FCHO2: variants seen among roughly 807,000 people sequenced by gnomAD.
FCHO2 encodes FCH and mu domain containing endocytic adaptor 2, also known as F-BAR domain only protein 2.
In FCHO2, 43 loss-of-function variants were observed where a neutral mutation model predicts 114.1. The ratio of observed to expected loss-of-function variants is 0.38; its 90% CI spans 0.30 to 0.49. FCHO2 has a LOEUF of 0.49. Ranked by LOEUF, FCHO2 falls within the 20% of genes least tolerant of loss-of-function variation. The pLI, the probability that FCHO2 is intolerant of heterozygous loss-of-function variation, is 0.97. For missense variants in FCHO2, 807 were observed against 950.4 expected, an observed-to-expected ratio of 0.85 and a Z score of 1.98; for synonymous variants, 293 against 315.2, an observed-to-expected ratio of 0.93 and a Z score of 0.75.
At chr5:73,002,038 ACTT>A (rs1754472771) in intron 5 of FCHO2, among the ~76,000 whole-genome samples, 1 of 152,152 alleles carries the variant, frequency 6.6e-6, no homozygotes, top group Non-Finnish European at 1.5e-5. Flanking sequence ...GCTTCATAAA[ACTT>A]CTTTGTTTAA....
intron 1 of FCHO2, among the ~76,000 whole-genome samples, chr5:72,966,820 A>T (rs544716225): frequency 3.9e-5 from 6 of 152,272 alleles, no homozygotes; most frequent in Non-Finnish European, 8.8e-5. Flanking sequence ...AGAAGAATAA[A>T]AACTGCTGCC....
chr5:73,042,644 C>T (rs778389866), intron 11 of FCHO2, among the ~76,000 whole-genome samples: 5 of 152,006 alleles, frequency 3.3e-5, no homozygotes, highest in Middle Eastern at 3.4e-3. Context: ...AGAAAAAATA[C>T]GTTATAAAAG....
At chr5:73,061,078 C>G (rs30535) in intron 17 of FCHO2, among the ~76,000 whole-genome samples, 1 of 151,640 alleles carries the variant, frequency 6.6e-6, no homozygotes, top group Non-Finnish European at 1.5e-5. Flanking sequence ...TAACTCGAAC[C>G]CTGATGTAGT....
chr5:73,004,547 A>C (rs896630935), intron 5 of FCHO2, among the ~76,000 whole-genome samples: 3 of 152,156 alleles, frequency 2.0e-5, no homozygotes, highest in African/African-American at 7.2e-5. Flanking sequence ...ACCATAATAA[A>C]AGCAGGCACT....
At chr5:73,060,196 G>A (rs1262159627) in intron 17 of FCHO2, among the ~76,000 whole-genome samples, 5 of 151,986 alleles carry the variant, frequency 3.3e-5, no homozygotes, top group Non-Finnish European at 5.9e-5. Context: ...GGTCATTGAT[G>A]TTTGGCCATT....
In FCHO2 at chr5:73,089,932, T is replaced by A. The variant is rs1743432463; in HGVS notation, c.*1842T>A. On this transcript the variant is annotated 3_prime_UTR_variant, in exon 26 of 26. Coordinates refer to ENST00000430046, the MANE Select transcript of FCHO2 (RefSeq NM_138782.3). Reference sequence around the variant, plus strand: ...ACTAAATAGTGAGCTAAATTAGAATTTCTAACTCTTATATTGTGCTCTTTT... The same window carrying A: ...ACTAAATAGTGAGCTAAATTAGAATATCTAACTCTTATATTGTGCTCTTTT... The A allele has an allele frequency of 6.6e-6, 1 of 152,584 alleles. No individual in the cohort carries two copies. The highest frequency in any genetic ancestry group is 2.4e-5 in the African/African-American group (1 of 41,454). 9.5% of individuals were successfully genotyped at this position (152,584 alleles called of 1,614,324 possible). A position where few individuals can be genotyped will look rare whatever the true frequency, so the allele number is the denominator to read the frequency against.
At chr5:73,039,281 C>A (rs1427005282) in intron 10 of FCHO2, among the ~76,000 whole-genome samples, 2 of 152,148 alleles carry the variant, frequency 1.3e-5, no homozygotes, top group African/African-American at 4.8e-5. Context: ...GCTTCCTCTT[C>A]CTGGAGCTTC....
chr5:73,069,119 A>C (rs983498614), intron 19 of FCHO2, among the ~76,000 whole-genome samples: 1 of 152,160 alleles, frequency 6.6e-6, no homozygotes, highest in Admixed American at 6.5e-5. Flanking sequence ...TTTTAAAAAC[A>C]ATAGTGTTTT....
chr5:72,970,242 C>A (rs906627254), intron 2 of FCHO2, among the ~76,000 whole-genome samples: 1 of 152,170 alleles, frequency 6.6e-6, no homozygotes, highest in African/African-American at 2.4e-5. Flanking sequence ...AGGCTCTATG[C>A]TAGGCATGGG....
intron 8 of FCHO2, among the ~76,000 whole-genome samples, chr5:73,032,910 T>C (rs557365255): frequency 6.6e-6 from 1 of 152,310 alleles, no homozygotes; most frequent in South Asian, 2.1e-4. Context: ...AAGCCAATAA[T>C]ATATAATAAG....
chr5:72,974,336 C>CT (rs2112621240), intron 2 of FCHO2, among the ~76,000 whole-genome samples: 1 of 140,758 alleles, frequency 7.1e-6, no homozygotes, highest in East Asian at 2.3e-4. Context: ...GTGTGGGAGT[C>CT]TAAGTCTCTT....
chr5:72,968,053 T>G (rs188475902), intron 1 of FCHO2, among the ~76,000 whole-genome samples: 3,349 of 151,864 alleles, frequency 0.022, 63 homozygotes, highest in Non-Finnish European at 0.039. Context: ...GCCTCCCAAG[T>G]AGCTGGGACT....
intron 6 of FCHO2, among the ~76,000 whole-genome samples, chr5:73,011,938 G>T (rs75599919): frequency 0.077 from 11,720 of 151,794 alleles, 717 homozygotes; most frequent in East Asian, 0.35. Flanking sequence ...ATCGCCTATG[G>T]TAACAAAGCC....
intron 6 of FCHO2, among the ~76,000 whole-genome samples, chr5:73,008,060 T>C (rs911383097): frequency 6.6e-6 from 1 of 152,098 alleles, no homozygotes; most frequent in Non-Finnish European, 1.5e-5. Flanking sequence ...GGGAAAATGG[T>C]AGTGAGAAAT....
intron 2 of FCHO2, among the ~76,000 whole-genome samples, chr5:72,982,530 C>T (rs1288291282): frequency 2.0e-5 from 3 of 152,182 alleles, no homozygotes; most frequent in Non-Finnish European, 4.4e-5. Context: ...GAAAGTCCAA[C>T]ATATCCATTA....
intron 2 of FCHO2, among the ~76,000 whole-genome samples, chr5:72,970,037 G>A (rs966690444): frequency 1.3e-5 from 2 of 152,126 alleles, no homozygotes; most frequent in Admixed American, 6.6e-5. Flanking sequence ...GCAGTAGCTC[G>A]TAACTGCTCT....
intron 8 of FCHO2, chr5:73,020,838 A>T: frequency 1.1e-6 from 1 of 925,906 alleles, no homozygotes; most frequent in Non-Finnish European, 1.8e-6. Flanking sequence ...CGAGCTGCTC[A>T]TCTGAGATAT....
intron 19 of FCHO2, among the ~76,000 whole-genome samples, chr5:73,069,232 A>G (rs1242273466): frequency 2.6e-5 from 4 of 152,140 alleles, no homozygotes; most frequent in African/African-American, 9.7e-5. Flanking sequence ...GTGGTCCCCA[A>G]CCTTTGGCAC....
chr5:73,063,980 T>C (rs1757956580), intron 18 of FCHO2, 36 bp downstream of exon 18: 1 of 1,525,058 alleles, frequency 6.6e-7, no homozygotes, highest in Non-Finnish European at 8.9e-7. Context: ...TATTTAACTG[T>C]TTTGATTTAA....
Sources: gnomAD v4.1 joint callset for allele counts (sites outside exome capture counted in the v4.1 genomes callset) on GRCh38, gnomAD v4.1.1 for gene constraint, MANE v1.5 for transcripts, NCBI Gene and HGNC (gene_info 2026-07-23, HGNC 2026-07-21) for gene names.